The following IGF2R variants were observed in gnomAD, a reference collection of about 807,000 sequenced individuals.
The protein encoded by IGF2R is cation-independent mannose-6-phosphate receptor.
Under a neutral mutation model 270.6 loss-of-function variants are expected in IGF2R, and 91 were observed. The ratio of observed to expected loss-of-function variants is 0.34; its 90% CI spans 0.28 to 0.40. The LOEUF (loss-of-function observed/expected upper bound fraction) is 0.40. Ranked by LOEUF, IGF2R falls within the 10% of genes least tolerant of loss-of-function variation. The pLI is 1.00. For missense variants in IGF2R, 2,805 were observed against 3,188.3 expected (o/e 0.88, Z 2.90); for synonymous variants, 1,316 against 1,258.9 (o/e 1.05, Z -0.96).
At chr6:160,087,434 G>T (rs1315781952) in intron 41 of IGF2R, among the ~76,000 whole-genome samples, 1 of 152,174 alleles carries the variant, frequency 6.6e-6, no homozygotes, top group Non-Finnish European at 1.5e-5. Flanking sequence ...TGTTCTGCAG[G>T]TAAGGCCCTC....
At chr6:160,080,035 TG>T in intron 38 of IGF2R, 93 bp from the exon 39 acceptor site, 2 of 1,440,900 alleles carry the variant, frequency 1.4e-6, no homozygotes, top group Non-Finnish European at 1.9e-6. Flanking sequence ...TGCTTTAGGA[TG>T]GGCAGCTTCC....
chr6:160,062,635 TC>T lies in IGF2R; in HGVS notation c.3670+19del. The T allele has an allele frequency of 6.3e-7, 1 of 1,576,692 alleles. No homozygotes were observed. Among genetic ancestry groups the T allele is most frequent in the East Asian group, 2.2e-5 (1 of 44,688 alleles). ...AGAGTGGAAGGTAGGACTGGGCCTGTCCCTACAAGTCATTTTAAATGTATAG... is the reference window on the plus strand; with the variant it reads ...AGAGTGGAAGGTAGGACTGGGCCTGTCCTACAAGTCATTTTAAATGTATAG... On this transcript the variant is annotated intron_variant, in intron 26 of 47. Transcript: ENST00000356956.
At chr6:160,011,036 C>T (rs1784325560) in intron 4 of IGF2R, among the ~76,000 whole-genome samples, 1 of 152,088 alleles carries the variant, frequency 6.6e-6, no homozygotes. Context: ...CCATATAGGG[C>T]AAGTTAGTTC....
At position 160,082,527 on chromosome 6, in the gene IGF2R, G is replaced by T. The variant is rs201463459; in HGVS notation, c.5834-1423G>T. On this transcript the variant is annotated intron_variant, in intron 39 of 47. Coordinates refer to ENST00000356956, the MANE Select transcript of IGF2R (RefSeq NM_000876.4). ...GGATTTCACCATGTTGGTCAGGCTG[G>T]TCTCCAACTGCTGACCTCATGATCC... 6.6e-5 allele frequency among the ~76,000 whole-genome samples: 10 copies of T among 152,230 alleles called. No homozygotes were observed. In the East Asian group the frequency reaches 9.6e-4, roughly 15 times the overall value.
intron 4 of IGF2R, among the ~76,000 whole-genome samples, chr6:160,016,124 G>A (rs1034046138): frequency 1.3e-5 from 2 of 152,158 alleles, no homozygotes; most frequent in African/African-American, 4.8e-5. Context: ...GGCTTTTTTG[G>A]CCTGCTGCCA....
chr6:160,031,562 G>C (rs1352218213), intron 7 of IGF2R, among the ~76,000 whole-genome samples: 1 of 152,036 alleles, frequency 6.6e-6, no homozygotes, highest in East Asian at 1.9e-4. Context: ...TATGTCAGGA[G>C]AATCCTACAC....
chr6:160,079,538 G>T (rs781264506), intron 37 of IGF2R, 42 bp from the exon 38 acceptor site: 3 of 1,344,158 alleles, frequency 2.2e-6, no homozygotes, highest in South Asian at 2.1e-5. Flanking sequence ...TGAGACCTGG[G>T]TGCTGCCACT....
rs1458789977 is a variant in IGF2R, at chr6:160,096,453, G to A, written c.6670G>A (p.Val2224Ile). The change falls in exon 45 of 48, where the codon GTC (valine) becomes ATC (isoleucine). Residue 2224 changes from valine to isoleucine, a missense_variant. Physicochemically the swap from Val to Ile is conservative, Grantham distance 29. Around this residue, in one of 2 missense-constraint regions of IGF2R, gnomAD observed 1,851 missense variants for 2,207.2 expected, o/e 0.84. Transcript: ENST00000356956. Reference sequence around the variant, plus strand: ...CCGTTTGACAGACGGCGATCTCGATGTCGTGTTTGCCTCTTCCTCTAAGTG... The same window carrying A: ...CCGTTTGACAGACGGCGATCTCGATATCGTGTTTGCCTCTTCCTCTAAGTG... ...KYYLQDGDLDVVFASSSKCGK... is the reference protein window; with the variant it reads ...KYYLQDGDLDIVFASSSKCGK... 1.2e-6 allele frequency: 2 copies of A among 1,610,788 alleles called. No individual in the cohort carries two copies. The highest frequency in any genetic ancestry group is 2.7e-5 in the African/African-American group (2 of 74,870).
chr6:160,002,551 C>T (rs1000845330), intron 2 of IGF2R, among the ~76,000 whole-genome samples: 3 of 152,062 alleles, frequency 2.0e-5, no homozygotes, highest in Admixed American at 6.5e-5. Context: ...CTGGGGTTAC[C>T]GAGGTGAAAG....
At chr6:160,024,013 TAGC>T (rs1777496355) in intron 4 of IGF2R, among the ~76,000 whole-genome samples, 1 of 152,124 alleles carries the variant, frequency 6.6e-6, no homozygotes, top group Admixed American at 6.5e-5. Context: ...GAATGATCAG[TAGC>T]ATCCAGTGCC....
In IGF2R at chr6:160,068,082, G is replaced by T. The variant is rs558961512; in HGVS notation, c.4116-167G>T. Among the ~76,000 whole-genome samples, 16 of 151,422 alleles carry T rather than the reference G, an allele frequency of 1.1e-4. No homozygotes were observed. The East Asian group carries it at 3.1e-3, about 30-fold the overall frequency. ...TGATGGGGGGTGTGTGTGTGTGTGTGTGTGTGTGTGTGTGTGTGTGTGTGT... is the reference window on the plus strand; with the variant it reads ...TGATGGGGGGTGTGTGTGTGTGTGTTTGTGTGTGTGTGTGTGTGTGTGTGT... On this transcript the variant is annotated intron_variant, in intron 29 of 47. Coordinates refer to ENST00000356956, the MANE Select transcript of IGF2R (RefSeq NM_000876.4).
chr6:160,078,992 C>T (rs532701893), intron 37 of IGF2R, among the ~76,000 whole-genome samples: 1 of 152,296 alleles, frequency 6.6e-6, no homozygotes, highest in Non-Finnish European at 1.5e-5. Context: ...ATGCCAGTGC[C>T]TGGACTGGGG....
At chr6:160,073,702 G>C (rs1778794407) in intron 34 of IGF2R, 55 bp from the exon 35 acceptor site, 2 of 1,434,782 alleles carry the variant, frequency 1.4e-6, no homozygotes, top group Admixed American at 1.8e-5. Flanking sequence ...GGATGACCTA[G>C]TGGTGATTAG....
intron 29 of IGF2R, among the ~76,000 whole-genome samples, chr6:160,066,413 A>G (rs879728786): frequency 7.9e-5 from 12 of 152,062 alleles, no homozygotes; most frequent in Non-Finnish European, 5.9e-5. Flanking sequence ...TTGGCCTCCC[A>G]AAGTGCTGGG....
At chr6:160,038,073 T>G (rs1187755672) in intron 10 of IGF2R, among the ~76,000 whole-genome samples, 1 of 152,202 alleles carries the variant, frequency 6.6e-6, no homozygotes, top group Non-Finnish European at 1.5e-5. Context: ...TGGGTGCTGC[T>G]GCCTCCTCCT....
intron 39 of IGF2R, 28 bp from the exon 40 acceptor site, chr6:160,083,922 C>G: frequency 6.9e-7 from 1 of 1,446,714 alleles, no homozygotes; most frequent in Non-Finnish European, 9.7e-7. Context: ...ACAGTCTGAT[C>G]TCTCTCTCTT....
At chr6:160,031,814 C>T (rs528281187) in intron 7 of IGF2R, among the ~76,000 whole-genome samples, 54 of 152,304 alleles carry the variant, frequency 3.5e-4, no homozygotes, top group African/African-American at 9.9e-4. Flanking sequence ...GGAAGCAGCA[C>T]GGCTATGCCC....
intron 1 of IGF2R, among the ~76,000 whole-genome samples, chr6:159,984,984 C>T (rs896377051): frequency 4.3e-4 from 65 of 152,202 alleles, no homozygotes; most frequent in African/African-American, 1.5e-3. Flanking sequence ...AAACCATATC[C>T]GAAACCGTAT....
intron 1 of IGF2R, among the ~76,000 whole-genome samples, chr6:159,971,628 A>C (rs1260480628): frequency 6.6e-6 from 1 of 152,194 alleles, no homozygotes; most frequent in African/African-American, 2.4e-5. Flanking sequence ...AACATGTGCC[A>C]AGTGAACTTC....
Sources: allele counts gnomAD v4.1 joint callset (sites outside exome capture counted in the v4.1 genomes callset), GRCh38; gene constraint gnomAD v4.1.1; regional missense constraint gnomAD v4.1.1; transcripts MANE v1.5; gene names NCBI Gene and HGNC (gene_info 2026-07-23, HGNC 2026-07-21).